The following SRSF7 variants were observed in gnomAD, a reference collection of about 807,000 sequenced individuals.
The protein encoded by SRSF7 is serine/arginine-rich splicing factor 7.
A neutral mutation model predicts 42.2 loss-of-function variants in SRSF7; 15 were observed. That is an observed-to-expected ratio of 0.36 (90% confidence interval 0.24 to 0.55). SRSF7 has a LOEUF of 0.55. Ranked by LOEUF, SRSF7 falls within the 20% of genes least tolerant of loss-of-function variation. The pLI is 0.88. For missense variants in SRSF7, 181 were observed against 305.9 expected (o/e 0.59, Z 3.04); for synonymous variants, 138 against 107.9 (o/e 1.28, Z -1.73).
At chr2:38,751,461 G>T (rs1668356447), upstream of SRSF7, 7 of 643,692 alleles carry the variant, frequency 1.1e-5, 1 homozygote, top group South Asian at 1.3e-4. Flanking sequence ...GGCGGAAACA[G>T]CCAAGAAACG....
chr2:38,750,307 T>G lies in SRSF7; in HGVS notation c.29-113A>C. On this transcript the variant is annotated intron_variant, in intron 1 of 7. Coordinates refer to ENST00000313117, the MANE Select transcript of SRSF7 (RefSeq NM_001031684.3). ...TCAAGATTGGGTAAAGCACATTTAA[T>G]GCCCTCTATCCAAGACAAAACTTAG... 3 of 925,244 alleles carry G rather than the reference T, an allele frequency of 3.2e-6. No homozygotes were observed. In the East Asian group the frequency reaches 7.6e-5, roughly 23 times the overall value. The allele number at this position is 925,244 out of a possible 1,614,324, so 57.3% of individuals were successfully genotyped here. A position where few individuals can be genotyped will look rare whatever the true frequency, so the allele number is the denominator to read the frequency against.
At chr2:38,748,428 G>A in intron 4 of SRSF7, 151 bp downstream of exon 4, 1 of 787,606 alleles carries the variant, frequency 1.3e-6, no homozygotes. Context: ...AGATCATCAA[G>A]GCAGCAGTGA....
At chr2:38,746,291 A>T (rs1368461477) in intron 6 of SRSF7, 112 bp from the exon 7 acceptor site, 1 of 1,217,002 alleles carries the variant, frequency 8.2e-7, no homozygotes, top group African/African-American at 1.5e-5. Flanking sequence ...GTCAGACTGC[A>T]CTTAAACTGA....
chr2:38,748,232 G>C (rs1014613573), intron 4 of SRSF7, 75 bp from the exon 5 acceptor site: 2 of 1,112,466 alleles, frequency 1.8e-6, no homozygotes, highest in Non-Finnish European at 2.7e-6. Flanking sequence ...ACTGGGGAAC[G>C]GTGCAGTGGC....
Position 38,746,107 on chromosome 2 carries a change from T to G in SRSF7, c.662+37A>C, listed in dbSNP as rs143738340. ...AAACAAATTCTGCAGAGGCCACACT[T>G]GACAGGCAAGATTTGGCAACAAAAC... On this transcript the variant is annotated intron_variant, in intron 7 of 7. Coordinates refer to ENST00000313117, the MANE Select transcript of SRSF7 (RefSeq NM_001031684.3). 3.6e-3 allele frequency: 5,822 copies of G among 1,613,534 alleles called. 19 individuals carry two copies. The highest frequency in any genetic ancestry group is 4.4e-3 in the Non-Finnish European group (5,184 of 1,179,428).
At position 38,748,417 on chromosome 2, in the gene SRSF7, G is replaced by A. The variant is rs185819507; in HGVS notation, c.461+162C>T. 1.2e-3 allele frequency among the ~76,000 whole-genome samples: 187 copies of A among 152,228 alleles called. 2 individuals carry two copies. Among genetic ancestry groups the A allele is most frequent in the Middle Eastern group, 6.8e-3 (2 of 294 alleles). On this transcript the variant is annotated intron_variant, in intron 4 of 7. Transcript: ENST00000313117. The stretch of plus-strand genomic sequence containing the variant: ...AGGTAGGAGAACTGCTTAAACCCAA[G>A]AGATCATCAAGGCAGCAGTGAGTCG...
chr2:38,750,555 C>T (rs984050885), intron 1 of SRSF7, among the ~76,000 whole-genome samples: 29 of 151,698 alleles, frequency 1.9e-4, no homozygotes, highest in Admixed American at 3.3e-4. Flanking sequence ...GCGTCGGCGG[C>T]GGGAGGGCCT....
intron 2 of SRSF7, 131 bp from the exon 3 acceptor site, chr2:38,749,836 T>C: frequency 7.9e-7 from 1 of 1,269,256 alleles, no homozygotes; most frequent in South Asian, 1.7e-5. Flanking sequence ...TGGCGGTCTT[T>C]ACCAAGCCCT....
At chr2:38,750,929 G>T (rs1025739641) in intron 1 of SRSF7, 5 of 384,342 alleles carry the variant, frequency 1.3e-5, no homozygotes, top group Admixed American at 3.7e-5. Flanking sequence ...AGGGCGGGGG[G>T]GGAGGGGGGC....
rs1667990952 is a variant in SRSF7, at chr2:38,749,719, AT to A, written c.210-15del. ...CCACAAATCACCCTAATAAAAGCAA[AT>A]TAACAAAATTCTAAAGTTAAAAATA... is the stretch of plus-strand genomic sequence containing the variant. On this transcript the variant is annotated splice_polypyrimidine_tract_variant and intron_variant, in intron 2 of 7. Transcript: ENST00000313117. 16 of 1,525,352 alleles carry A rather than the reference AT, an allele frequency of 1.0e-5. No homozygotes were observed. The highest frequency in any genetic ancestry group is 1.4e-5 in the Non-Finnish European group (16 of 1,141,128). 94.5% of individuals were successfully genotyped at this position (1,525,352 alleles called of 1,614,324 possible).
intron 5 of SRSF7, among the ~76,000 whole-genome samples, chr2:38,747,297 C>G (rs1184496752): frequency 6.6e-6 from 1 of 152,200 alleles, no homozygotes; most frequent in Non-Finnish European, 1.5e-5. Flanking sequence ...ACATATCTAT[C>G]TTTTAAATTT....
intron 5 of SRSF7, 77 bp from the exon 6 acceptor site, chr2:38,746,824 G>A (rs1179962239): frequency 1.9e-6 from 3 of 1,588,170 alleles, no homozygotes; most frequent in Non-Finnish European, 2.6e-6. Context: ...CACTGTATTA[G>A]GTTGGTCAGG....
chr2:38,745,556 G>A (rs1667248255), intron 7 of SRSF7, among the ~76,000 whole-genome samples: 1 of 152,058 alleles, frequency 6.6e-6, no homozygotes, highest in Admixed American at 6.6e-5. Context: ...TCAAGAGGCT[G>A]AGACAGGATA....
chr2:38,749,180 A>C, intron 3 of SRSF7: 1 of 1,328,832 alleles, frequency 7.5e-7, no homozygotes, highest in Non-Finnish European at 9.9e-7. Flanking sequence ...TGCCCTTTAA[A>C]GAATAAGGTG....
Position 38,746,753 on chromosome 2 carries a change from T to TA in SRSF7, c.573-7dup, listed in dbSNP as rs770501260. On this transcript the variant is annotated splice_polypyrimidine_tract_variant and splice_region_variant and intron_variant, in intron 5 of 7. Coordinates refer to ENST00000313117, the MANE Select transcript of SRSF7 (RefSeq NM_001031684.3). Reference sequence around the variant, plus strand: ...ATCTTGACCTCGACGGGGATCTTAATAAAAAAAGTGAAAAACACAATTATA... The same window carrying TA: ...ATCTTGACCTCGACGGGGATCTTAATAAAAAAAAGTGAAAAACACAATTATA... The TA allele has an allele frequency of 1.4e-5, 22 of 1,613,164 alleles. No individual in the cohort carries two copies. The highest frequency in any genetic ancestry group is 1.6e-4 in the Middle Eastern group (1 of 6,082).
intron 6 of SRSF7, 124 bp downstream of exon 6, chr2:38,746,570 C>T: frequency 7.2e-7 from 1 of 1,395,678 alleles, no homozygotes; most frequent in Admixed American, 2.1e-5. Context: ...AAATAAGGTA[C>T]TGTGTTCCCA....
At chr2:38,750,287 A>T in intron 1 of SRSF7, 93 bp from the exon 2 acceptor site, 1 of 1,222,760 alleles carries the variant, frequency 8.2e-7, no homozygotes, top group Non-Finnish European at 1.2e-6. Context: ...CATCCTCAAG[A>T]TTGGGTAAAG....
In SRSF7 at chr2:38,746,701, T is replaced by C; in HGVS notation, c.619A>G (p.Arg207Gly). ...ATCAAATTTTTACCCTACCTGCTTC[T>C]TGGTCGTGAAATAGACCTGGATCTT... is the stretch of plus-strand genomic sequence containing the variant. ...RSRSRSISRP[R>G]SSRSKSRSPS... Residue 207 changes from arginine (R) to glycine (G), a missense_variant, in exon 6 of 8, where the codon AGA (arginine) becomes GGA (glycine). This residue lies in a region of SRSF7 where 136 missense variants were observed against 147.8 expected (regional missense o/e 0.92). Coordinates refer to ENST00000313117, the MANE Select transcript of SRSF7 (RefSeq NM_001031684.3). 3.1e-6 allele frequency: 5 copies of C among 1,613,704 alleles called. No homozygotes were observed. The highest frequency in any genetic ancestry group is 4.2e-6 in the Non-Finnish European group (5 of 1,179,892).
At position 38,746,749 on chromosome 2, in the gene SRSF7, TTAA is replaced by T. The variant is rs1667473593; in HGVS notation, c.573-5_573-3del. The T allele has an allele frequency of 1.9e-6, 3 of 1,613,258 alleles. No individual in the cohort carries two copies. The highest frequency in any genetic ancestry group is 4.5e-5 in the East Asian group (2 of 44,864). On this transcript the variant is annotated splice_polypyrimidine_tract_variant and splice_region_variant and intron_variant, in intron 5 of 7. Transcript: ENST00000313117. ...CTTGATCTTGACCTCGACGGGGATC[TTAA>T]TAAAAAAAGTGAAAAACACAATTAT...
Sources: gnomAD v4.1 joint callset for allele counts (sites outside exome capture counted in the v4.1 genomes callset) on GRCh38, gnomAD v4.1.1 for gene constraint, gnomAD v4.1.1 regional missense constraint, MANE v1.5 for transcripts, NCBI Gene and HGNC (gene_info 2026-07-23, HGNC 2026-07-21) for gene names.